The following AGO4 variants were observed in gnomAD, a reference collection of about 807,000 sequenced individuals.
AGO4 encodes protein argonaute-4.
AGO4 carries 33 observed loss-of-function variants against 104.7 expected under a neutral mutation model. The observed-to-expected ratio is 0.32, with a 90% confidence interval of 0.24 to 0.42. The LOEUF (loss-of-function observed/expected upper bound fraction) is 0.42, where lower values mean the gene tolerates loss of function less well. AGO4 is among the 10% of genes least tolerant of loss of function. AGO4 has a pLI of 1.00. For synonymous variants in AGO4, 331 were observed against 364.7 expected, an observed-to-expected ratio of 0.91 and a Z score of 1.05; for missense variants, 711 against 1,083.4, an observed-to-expected ratio of 0.66 and a Z score of 4.83.
chr1:35,818,675 A>AAGGAAGGAAGGG (rs1643806296), intron 2 of AGO4, among the ~76,000 whole-genome samples: 1 of 150,216 alleles, frequency 6.7e-6, no homozygotes, highest in African/African-American at 2.5e-5. Flanking sequence ...GAAAGGAAGG[A>AAGGAAGGAAGGG]AGGAAGGAAG....
intron 13 of AGO4, among the ~76,000 whole-genome samples, chr1:35,837,071 C>T (rs1188956453): frequency 6.6e-6 from 1 of 151,950 alleles, no homozygotes; most frequent in Non-Finnish European, 1.5e-5. Context: ...ATTTGGACAT[C>T]TTTATATTTT....
chr1:35,851,920 C>G lies in AGO4; in HGVS notation c.2477+867C>G, dbSNP rs565776496. Among the ~76,000 whole-genome samples the G allele has an allele frequency of 9.2e-5, 14 of 152,264 alleles. No homozygotes were observed. In the South Asian group the frequency reaches 1.7e-3, roughly 18 times the overall value. ...TTATGTTTCAGTATGGGAGACAATA[C>G]AGGCAAATATACAACTGACAAGTAG... On this transcript the variant is annotated intron_variant, in intron 17 of 17. Transcript: ENST00000373210.
rs182970912 is a variant in AGO4 at position 35,852,290 on chromosome 1, G to A, written c.2478-1207G>A. Among the ~76,000 whole-genome samples the A allele has an allele frequency of 1.6e-4, 24 of 152,278 alleles. No homozygotes were observed. The East Asian group carries it at 4.6e-3, about 29-fold the overall frequency. ...CAGAGGAGAGGGTGAAGTAAAAGATGGCTAAGATTTTGAGCCTAGATGATA... is the reference window on the plus strand; with the variant it reads ...CAGAGGAGAGGGTGAAGTAAAAGATAGCTAAGATTTTGAGCCTAGATGATA... On this transcript the variant is annotated intron_variant, in intron 17 of 17. Coordinates refer to ENST00000373210, the MANE Select transcript of AGO4 (RefSeq NM_017629.4).
chr1:35,822,095 G>A (rs755663979), intron 2 of AGO4, among the ~76,000 whole-genome samples: 3 of 151,994 alleles, frequency 2.0e-5, no homozygotes, highest in African/African-American at 4.8e-5. Context: ...GGCCAGGCTA[G>A]TCTCGAACTC....
intron 1 of AGO4, among the ~76,000 whole-genome samples, chr1:35,814,167 GAGAA>G (rs756325337): frequency 5.3e-5 from 8 of 151,184 alleles, no homozygotes; most frequent in Non-Finnish European, 8.9e-5. Context: ...AGGAAGGAGA[GAGAA>G]AGAAAGATAA....
chr1:35,836,701 G>T (rs948053256), intron 13 of AGO4, among the ~76,000 whole-genome samples: 1 of 152,210 alleles, frequency 6.6e-6, no homozygotes, highest in African/African-American at 2.4e-5. Flanking sequence ...GAGCCACTGT[G>T]CCCGGCCTTG....
chr1:35,826,652 G>T (rs545565626), intron 6 of AGO4, 96 bp from the exon 7 acceptor site: 1 of 1,108,642 alleles, frequency 9.0e-7, no homozygotes, highest in East Asian at 2.6e-5. Flanking sequence ...TTTTTATCCT[G>T]TACAATGTCA....
chr1:35,810,451 C>T (rs566177616), intron 1 of AGO4, among the ~76,000 whole-genome samples: 9 of 152,230 alleles, frequency 5.9e-5, no homozygotes, highest in East Asian at 1.9e-4. Context: ...CCCTGCCCAC[C>T]GCCTCCCTGC....
chr1:35,831,952 A>T, intron 9 of AGO4, 21 bp downstream of exon 9: 1 of 1,612,176 alleles, frequency 6.2e-7, no homozygotes. Context: ...CATGGTCTTC[A>T]AGATGAGCTA....
chr1:35,832,150 G>T lies in AGO4; in HGVS notation c.1210G>T (p.Val404Leu). ...HNEMTELTGR[V>L]LPAPMLQYGG... ...TGAAATGACAGAGCTCACAGGCAGG[G>T]TACTTCCAGCACCAATGCTGCAATA... The change falls in exon 10 of 18, where the codon GTA becomes TTA. Residue 404 changes from valine (V) to leucine (L), a missense_variant. Transcript: ENST00000373210. 1.2e-6 allele frequency: 2 copies of T among 1,614,130 alleles called. No homozygotes were observed. The highest frequency in any genetic ancestry group is 1.7e-6 in the Non-Finnish European group (2 of 1,180,012).
intron 1 of AGO4, among the ~76,000 whole-genome samples, chr1:35,809,076 G>A (rs144243152): frequency 2.0e-5 from 3 of 152,316 alleles, no homozygotes; most frequent in Non-Finnish European, 4.4e-5. Flanking sequence ...GAGTGACACA[G>A]GAGTTGCCAG....
rs539541516 is a variant in AGO4, at chr1:35,841,076, A to G, written c.1725-89A>G. 2.9e-6 allele frequency: 4 copies of G among 1,369,142 alleles called. No individual in the cohort carries two copies. In the East Asian group the frequency reaches 7.0e-5, roughly 24 times the overall value. The allele number at this position is 1,369,142 out of a possible 1,614,324, so 84.8% of individuals were successfully genotyped here. A position where few individuals can be genotyped will look rare whatever the true frequency, so the allele number is the denominator to read the frequency against. On this transcript the variant is annotated intron_variant, in intron 13 of 17. Coordinates refer to ENST00000373210, the MANE Select transcript of AGO4 (RefSeq NM_017629.4). This position sits in a 1 kb window ranked among gnomAD's most constrained non-coding sequence, Gnocchi z 4.7. The stretch of plus-strand genomic sequence containing the variant: ...TCTTTGTTCTCTCTTATAAGGTTAT[A>G]TCTGATTATATCTGGTGATATAATC...
rs374955692 is a variant in AGO4 at position 35,841,738 on chromosome 1, T to G, written c.2163T>G (p.Asp721Glu). The change falls in exon 15 of 18, where the codon GAT becomes GAG. Residue 721 changes from aspartate to glutamate, a missense_variant. Asp to Glu is a conservative substitution (Grantham distance 45). This residue lies in a region of AGO4 where 401 missense variants were observed against 665.5 expected (regional missense o/e 0.60). Transcript: ENST00000373210. The surrounding 1 kb of genome is among the most constrained non-coding windows in gnomAD (Gnocchi z 4.7). ...KRHHTRLFCA[D>E]KTERVGKSGN... ...ATCACACACGACTCTTCTGTGCAGA[T>G]AAAACAGAAAGGGTAAGAAGATATA... 3.1e-6 allele frequency: 5 copies of G among 1,613,246 alleles called. No homozygotes were observed. The African/African-American group carries it at 5.4e-5, about 17-fold the overall frequency.
intron 3 of AGO4, among the ~76,000 whole-genome samples, chr1:35,824,618 G>A (rs1268804914): frequency 1.3e-5 from 2 of 151,694 alleles, no homozygotes; most frequent in African/African-American, 4.8e-5. Context: ...GAGCAACACA[G>A]GGAGACCCAT....
chr1:35,825,381 G>A lies in AGO4; in HGVS notation c.375G>A (p.Val125=), dbSNP rs762795685. The change falls in exon 4 of 18, where the codon GTG becomes GTA. Residue 125 remains valine (V), a synonymous_variant. Transcript: ENST00000373210. ...CATTTAAAGTGTCTGTTCAGTGGGT[G>A]TCAGTTGTGAGCCTTCAGTTGCTTT... ...DQTFKVSVQW[V]SVVSLQLLLE... 1.2e-6 allele frequency: 2 copies of A among 1,614,104 alleles called. No individual in the cohort carries two copies. Among genetic ancestry groups the A allele is most frequent in the South Asian group, 1.1e-5 (1 of 91,084 alleles).
chr1:35,815,755 C>T (rs954005697), intron 1 of AGO4, among the ~76,000 whole-genome samples: 4 of 152,094 alleles, frequency 2.6e-5, no homozygotes, highest in Non-Finnish European at 5.9e-5. Flanking sequence ...TTGTAGAATG[C>T]GTAGCTGTAT....
chr1:35,850,386 C>T, intron 16 of AGO4, 128 bp downstream of exon 16: 1 of 786,210 alleles, frequency 1.3e-6, no homozygotes, highest in Non-Finnish European at 2.2e-6. Context: ...CTAGAATTAT[C>T]TTTTGGTCTA....
chr1:35,832,117 G>A lies in AGO4; in HGVS notation c.1177G>A (p.Val393Ile), dbSNP rs1180496512. The change falls in exon 10 of 18, where the codon GTC becomes ATC. Residue 393 changes from valine to isoleucine, a missense_variant. Physicochemically the swap from Val to Ile is conservative, Grantham distance 29. Around this residue, in one of 3 missense-constraint regions of AGO4, gnomAD observed 401 missense variants for 665.5 expected, o/e 0.60. Coordinates refer to ENST00000373210, the MANE Select transcript of AGO4 (RefSeq NM_017629.4). ...DPYLKEFGIV[V>I]HNEMTELTGR... ...ATACCTTAAAGAATTTGGTATTGTT[G>A]TCCACAATGAAATGACAGAGCTCAC... The A allele has an allele frequency of 1.2e-6, 2 of 1,614,170 alleles. No homozygotes were observed. The highest frequency in any genetic ancestry group is 1.7e-6 in the Non-Finnish European group (2 of 1,180,036).
At chr1:35,852,515 C>A (rs571681247) in intron 17 of AGO4, among the ~76,000 whole-genome samples, 2 of 152,152 alleles carry the variant, frequency 1.3e-5, no homozygotes, top group Admixed American at 1.3e-4. Context: ...ACTGGTGGCA[C>A]AATAGCATTT....
Sources: gnomAD v4.1 joint callset for allele counts (sites outside exome capture counted in the v4.1 genomes callset) on GRCh38, gnomAD v4.1.1 for gene constraint, gnomAD v4.1.1 regional missense constraint, Gnocchi (gnomAD v3.1) non-coding constraint, MANE v1.5 for transcripts, NCBI Gene and HGNC (gene_info 2026-07-23, HGNC 2026-07-21) for gene names.